CDK15: variants seen among roughly 807,000 people sequenced by gnomAD.
CDK15 encodes the protein cyclin dependent kinase 15, also known as cyclin-dependent kinase 15.
Under a neutral mutation model 60.3 loss-of-function variants are expected in CDK15, and 62 were observed. The ratio of observed to expected loss-of-function variants is 1.03; its 90% CI spans 0.84 to 1.27. The LOEUF (loss-of-function observed/expected upper bound fraction) is 1.27. Ranked by LOEUF, CDK15 falls within the 50% of genes most tolerant of loss-of-function variation. The pLI, the probability that CDK15 is intolerant of heterozygous loss-of-function variation, is 0.00. For synonymous variants in CDK15, 194 were observed against 195.7 expected (o/e 0.99, Z 0.07); for missense variants, 541 against 527.8 (o/e 1.03, Z -0.25).
intron 7 of CDK15, among the ~76,000 whole-genome samples, chr2:201,835,325 A>C (rs1223001310): frequency 6.6e-6 from 1 of 152,026 alleles, no homozygotes; most frequent in African/African-American, 2.4e-5. Context: ...GAGAAAAGGG[A>C]AGCAGAACCC....
chr2:201,877,231 T>G (rs1204795061), intron 11 of CDK15, among the ~76,000 whole-genome samples: 1 of 152,078 alleles, frequency 6.6e-6, no homozygotes, highest in East Asian at 1.9e-4. Context: ...CTAACACAAG[T>G]TTAAAACAGG....
At chr2:201,876,391 C>T (rs1471439170) in intron 11 of CDK15, 8 of 368,932 alleles carry the variant, frequency 2.2e-5, no homozygotes, top group East Asian at 8.9e-5. Context: ...GATAGCAAGG[C>T]GGCGATTACT....
intron 11 of CDK15, among the ~76,000 whole-genome samples, chr2:201,874,433 A>C (rs1408812426): frequency 6.6e-6 from 1 of 152,186 alleles, no homozygotes; most frequent in Non-Finnish European, 1.5e-5. Context: ...TATTATATTT[A>C]ATCCTTACAA....
chr2:201,823,568 G>C lies in CDK15; in HGVS notation c.544-97G>C, dbSNP rs1181329836. 4.5e-6 allele frequency: 5 copies of C among 1,099,276 alleles called. No individual in the cohort carries two copies. In the Admixed American group the frequency reaches 8.5e-5, roughly 19 times the overall value. 68.1% of individuals were successfully genotyped at this position (1,099,276 alleles called of 1,614,324 possible). A position where few individuals can be genotyped will look rare whatever the true frequency, so the allele number is the denominator to read the frequency against. On this transcript the variant is annotated intron_variant, in intron 5 of 13. Coordinates refer to ENST00000652192, the MANE Select transcript of CDK15 (RefSeq NM_001366386.2). ...CCTTATTCTTAAAATTCTGTACTTC[G>C]TAATACCTTCTGACAGTCAAGTCAA...
At chr2:201,854,185 AC>A (rs1467787559) in intron 9 of CDK15, among the ~76,000 whole-genome samples, 2 of 152,166 alleles carry the variant, frequency 1.3e-5, no homozygotes, top group African/African-American at 2.4e-5. Flanking sequence ...AAAAAAAAAA[AC>A]ATCGGTAATT....
chr2:201,817,034 G>T (rs1331443619), intron 4 of CDK15, among the ~76,000 whole-genome samples: 1 of 152,216 alleles, frequency 6.6e-6, no homozygotes, highest in Non-Finnish European at 1.5e-5. Context: ...GCCCTGCTCT[G>T]CAAGGAGAGG....
At chr2:201,869,243 G>A (rs1350854773) in intron 10 of CDK15, among the ~76,000 whole-genome samples, 1 of 152,106 alleles carries the variant, frequency 6.6e-6, no homozygotes, top group African/African-American at 2.4e-5. Flanking sequence ...CATGGATGCA[G>A]CTGGAAACCA....
intron 9 of CDK15, 72 bp from the exon 10 acceptor site, chr2:201,854,802 T>C: frequency 7.7e-7 from 1 of 1,303,148 alleles, no homozygotes; most frequent in East Asian, 2.3e-5. Context: ...TTGTCCTGCA[T>C]GTCTCCATAC....
intron 4 of CDK15, among the ~76,000 whole-genome samples, chr2:201,819,344 G>C (rs1461867012): frequency 6.6e-6 from 1 of 152,242 alleles, no homozygotes; most frequent in African/African-American, 2.4e-5. Context: ...GTGTTTGCAA[G>C]TGTGTCTAAG....
intron 8 of CDK15, among the ~76,000 whole-genome samples, chr2:201,835,980 AT>A (rs1272366016): frequency 1.0e-4 from 5 of 49,142 alleles, no homozygotes; most frequent in Admixed American, 7.9e-4. Context: ...ATATTTATAT[AT>A]TTTTATATAT....
intron 4 of CDK15, among the ~76,000 whole-genome samples, chr2:201,817,663 G>T (rs1696052229): frequency 6.6e-6 from 1 of 152,220 alleles, no homozygotes; most frequent in Non-Finnish European, 1.5e-5. Context: ...ATACAATGAG[G>T]CAGGGGAGGA....
chr2:201,823,521 AC>A lies in CDK15; in HGVS notation c.544-142del, dbSNP rs1389352572. 4.3e-6 allele frequency: 3 copies of A among 699,080 alleles called. No homozygotes were observed. In the African/African-American group the frequency reaches 5.3e-5, roughly 12 times the overall value. 43.3% of individuals were successfully genotyped at this position (699,080 alleles called of 1,614,324 possible). A position where few individuals can be genotyped will look rare whatever the true frequency, so the allele number is the denominator to read the frequency against. ...GACCTTAACAGTGGGTTCTCAGAAAACCTGGTTATATTCCTTTTGCACCTTA... is the reference window on the plus strand; with the variant it reads ...GACCTTAACAGTGGGTTCTCAGAAAACTGGTTATATTCCTTTTGCACCTTA... On this transcript the variant is annotated intron_variant, in intron 5 of 13. Transcript: ENST00000652192.
rs753183735 is a variant in CDK15 at position 201,812,563 on chromosome 2, G to T, written c.448+1G>T. 5.6e-6 allele frequency: 9 copies of T among 1,609,836 alleles called. No individual in the cohort carries two copies. The highest frequency in any genetic ancestry group is 7.6e-6 in the Non-Finnish European group (9 of 1,176,682). Reference sequence around the variant, plus strand: ...GTCCCATTTACAGCTATCCGAGAAGGTAAGAACAGCAGAAATGGACCCAAT... The same window carrying T: ...GTCCCATTTACAGCTATCCGAGAAGTTAAGAACAGCAGAAATGGACCCAAT... On this transcript the variant is annotated splice_donor_variant, in intron 4 of 13. Transcript: ENST00000652192. LOFTEE classifies it high-confidence loss of function.
chr2:201,879,169 A>G (rs1699185048), intron 11 of CDK15, among the ~76,000 whole-genome samples: 2 of 152,224 alleles, frequency 1.3e-5, no homozygotes, highest in African/African-American at 2.4e-5. Flanking sequence ...ACTGTGATTT[A>G]AGTACTTAAT....
At chr2:201,840,264 C>T (rs908923846) in intron 8 of CDK15, among the ~76,000 whole-genome samples, 2 of 152,084 alleles carry the variant, frequency 1.3e-5, no homozygotes, top group African/African-American at 4.8e-5. Context: ...CATGAGCCAC[C>T]GCGCCTGGCC....
intron 4 of CDK15, among the ~76,000 whole-genome samples, chr2:201,819,552 T>C (rs1696134690): frequency 6.6e-6 from 1 of 152,128 alleles, no homozygotes; most frequent in Non-Finnish European, 1.5e-5. Flanking sequence ...TTGAGAAGGA[T>C]AGCAGTGTCT....
chr2:201,889,303 C>A (rs1699561818), intron 12 of CDK15: 1 of 985,282 alleles, frequency 1.0e-6, no homozygotes, highest in Non-Finnish European at 1.2e-6. Flanking sequence ...AAAAGCAATG[C>A]CCAAGTGGAA....
chr2:201,818,975 AAAACAAAACAAAAG>A (rs1696105654), intron 4 of CDK15, among the ~76,000 whole-genome samples: 1 of 80,178 alleles, frequency 1.2e-5, no homozygotes. Context: ...AAAACAAAAC[AAAACAAAACAAAAG>A]TGCCCACTCT....
intron 9 of CDK15, among the ~76,000 whole-genome samples, chr2:201,848,245 C>G (rs924580470): frequency 6.6e-6 from 1 of 152,262 alleles, no homozygotes; most frequent in Non-Finnish European, 1.5e-5. Flanking sequence ...TGTGTGTATG[C>G]AGCTCCATTT....
Sources: gnomAD v4.1 joint callset for allele counts (sites outside exome capture counted in the v4.1 genomes callset) on GRCh38, gnomAD v4.1.1 for gene constraint, MANE v1.5 for transcripts, NCBI Gene and HGNC (gene_info 2026-07-23, HGNC 2026-07-21) for gene names.